COL4A2: variants seen among roughly 807,000 people sequenced by gnomAD.
COL4A2 encodes collagen type IV alpha 2 chain.
A neutral mutation model predicts 200.2 loss-of-function variants in COL4A2; 99 were observed. The ratio of observed to expected loss-of-function variants is 0.49; its 90% confidence interval spans 0.42 to 0.58. COL4A2 has a LOEUF of 0.58. COL4A2 is among the 20% of genes least tolerant of loss of function. COL4A2 has a pLI of 0.00. For missense variants in COL4A2, 1,950 were observed against 2,314.1 expected, an observed-to-expected ratio of 0.84 and a Z score of 3.23; for synonymous variants, 897 against 900.6, an observed-to-expected ratio of 1.00 and a Z score of 0.07.
chr13:110,438,497 CG>C, intron 14 of COL4A2, 120 bp from the exon 15 acceptor site: 1 of 1,310,754 alleles, frequency 7.6e-7, no homozygotes, highest in South Asian at 1.2e-5. Flanking sequence ...CATCGCCAGG[CG>C]GTCTGGACAC....
chr13:110,437,488 C>G (rs1880937692), intron 13 of COL4A2, among the ~76,000 whole-genome samples: 1 of 152,222 alleles, frequency 6.6e-6, no homozygotes, highest in Non-Finnish European at 1.5e-5. Flanking sequence ...ATTGCTGTTT[C>G]TTTCACCATT....
chr13:110,485,389 G>A (rs892858851), intron 33 of COL4A2, among the ~76,000 whole-genome samples: 10 of 152,218 alleles, frequency 6.6e-5, no homozygotes, highest in East Asian at 1.9e-4. Context: ...CCGGCATGGT[G>A]GTGGGCGCCT....
At chr13:110,468,008 A>G (rs9588176) in intron 27 of COL4A2, 75,095 of 375,526 alleles carry the variant, frequency 0.2, 9,304 homozygotes, top group African/African-American at 0.4. Context: ...CCTATGCAAG[A>G]TGAATAGTGC....
chr13:110,502,381 G>A (rs1883675788), intron 41 of COL4A2, among the ~76,000 whole-genome samples: 1 of 152,202 alleles, frequency 6.6e-6, no homozygotes, highest in African/African-American at 2.4e-5. Flanking sequence ...CTGGAGTGCA[G>A]TGGCACGATC....
rs1176750664 is a variant in COL4A2, at chr13:110,513,091, G to A, written c.*900G>A. ...GCAAAACGTCTGCTCAGATGGATGC[G>A]AGGCACAGCGTCCGCCCACGCTGCT... On this transcript the variant is annotated 3_prime_UTR_variant, in exon 48 of 48. Transcript: ENST00000360467. The A allele has an allele frequency of 2.0e-5, 3 of 152,154 alleles. No individual in the cohort carries two copies. Among genetic ancestry groups the A allele is most frequent in the East Asian group, 1.9e-4 (1 of 5,198 alleles). The allele number at this position is 152,154 out of a possible 1,614,324, so 9.4% of individuals were successfully genotyped here.
At chr13:110,385,208 G>A in intron 4 of COL4A2, among the ~76,000 whole-genome samples, 1 of 151,876 alleles carries the variant, frequency 6.6e-6, no homozygotes, top group East Asian at 1.9e-4. Flanking sequence ...CTTGCAGTGA[G>A]CCAAGATCAC....
chr13:110,447,128 C>G (rs1414483102), intron 18 of COL4A2, among the ~76,000 whole-genome samples: 1 of 152,178 alleles, frequency 6.6e-6, no homozygotes, highest in Non-Finnish European at 1.5e-5. Context: ...GTGAGAAATC[C>G]CCTCCGTTGG....
chr13:110,315,815 C>A (rs970362503), intron 3 of COL4A2, among the ~76,000 whole-genome samples: 5 of 152,194 alleles, frequency 3.3e-5, no homozygotes, highest in African/African-American at 1.2e-4. Context: ...CCTTTATCTG[C>A]CCGAGGCCTG....
In COL4A2 at chr13:110,432,332, C is replaced by T; in HGVS notation, c.656C>T (p.Pro219Leu). Residue 219 changes from proline (P) to leucine (L), a missense_variant, in exon 11 of 48, where the codon CCT becomes CTT. By Grantham distance (98) the Pro-to-Leu change is moderately conservative. Transcript: ENST00000360467. ...PVGAPGRPGP[P>L]GPPGPKGQQG... ...TTCTTTGTATTTGTACAGGGACCACCTGGACCCCCTGGACCAAAAGGACAG... is the reference window on the plus strand; with the variant it reads ...TTCTTTGTATTTGTACAGGGACCACTTGGACCCCCTGGACCAAAAGGACAG... The T allele has an allele frequency of 6.2e-7, 1 of 1,610,478 alleles. No individual in the cohort carries two copies. Among genetic ancestry groups the T allele is most frequent in the Non-Finnish European group, 8.5e-7 (1 of 1,178,652 alleles).
chr13:110,398,763 G>T (rs1302617465), intron 4 of COL4A2, among the ~76,000 whole-genome samples: 2 of 152,100 alleles, frequency 1.3e-5, no homozygotes, highest in Non-Finnish European at 2.9e-5. Context: ...AAAAAGCACA[G>T]TCAGCATTAT....
intron 16 of COL4A2, 60 bp from the exon 17 acceptor site, chr13:110,445,769 A>G (rs1333426230): frequency 1.3e-6 from 2 of 1,580,142 alleles, no homozygotes; most frequent in Non-Finnish European, 1.7e-6. Context: ...ATGCCATTGC[A>G]GTCCCTTTTT....
chr13:110,406,046 G>A (rs1879555986), intron 4 of COL4A2, among the ~76,000 whole-genome samples: 1 of 152,198 alleles, frequency 6.6e-6, no homozygotes, highest in Non-Finnish European at 1.5e-5. Flanking sequence ...TGGCATGTCA[G>A]ATTTGCAGCT....
At chr13:110,472,864 G>A (rs750727916) in intron 28 of COL4A2, 65 bp from the exon 29 acceptor site, 22 of 1,482,064 alleles carry the variant, frequency 1.5e-5, no homozygotes, top group Admixed American at 2.0e-5. Context: ...GCCTCTTTTT[G>A]ACTCTTCTCT....
At chr13:110,405,416 C>T (rs2139434232) in intron 4 of COL4A2, among the ~76,000 whole-genome samples, 1 of 152,272 alleles carries the variant, frequency 6.6e-6, no homozygotes, top group South Asian at 2.1e-4. Context: ...CTAGTGGGTC[C>T]CGGTGTGGGA....
intron 31 of COL4A2, among the ~76,000 whole-genome samples, chr13:110,481,623 T>TTGCTGGAGACACACTGCTCTGTCCCTCCG (rs1882924180): frequency 3.2e-4 from 8 of 25,270 alleles, no homozygotes; most frequent in East Asian, 2.4e-3. Flanking sequence ...TGTCCCTCCG[T>TTGCTGGAGACACACTGCTCTGTCCCTCCG]TGCTGGAGAC....
intron 4 of COL4A2, among the ~76,000 whole-genome samples, chr13:110,380,035 C>G (rs1483743051): frequency 6.6e-6 from 1 of 152,230 alleles, no homozygotes; most frequent in Admixed American, 6.5e-5. Flanking sequence ...GTGTTGCCAG[C>G]TAGTCCTGTT....
chr13:110,505,096 A>T (rs1045889304), intron 45 of COL4A2, among the ~76,000 whole-genome samples: 2 of 151,288 alleles, frequency 1.3e-5, no homozygotes, highest in Admixed American at 6.6e-5. Flanking sequence ...CACGCCTGTA[A>T]TCCCAGCACT....
At chr13:110,506,287 C>A in intron 45 of COL4A2, 128 bp from the exon 46 acceptor site, 1 of 957,396 alleles carries the variant, frequency 1.0e-6, no homozygotes, top group Non-Finnish European at 1.5e-6. Flanking sequence ...TCTCGGGCTG[C>A]AGGTGCACCA....
chr13:110,454,880 T>C (rs1485870800), intron 20 of COL4A2, among the ~76,000 whole-genome samples: 2 of 152,158 alleles, frequency 1.3e-5, no homozygotes, highest in Non-Finnish European at 1.5e-5. Flanking sequence ...AAGCTCTCCA[T>C]GTCCAAAATG....
Sources: allele counts gnomAD v4.1 joint callset (sites outside exome capture counted in the v4.1 genomes callset), GRCh38; gene constraint gnomAD v4.1.1; transcripts MANE v1.5; gene names NCBI Gene and HGNC (gene_info 2026-07-23, HGNC 2026-07-21).